Variants in GGNBP2 observed in about 807,000 individuals in gnomAD.
The protein encoded by GGNBP2 is gametogenetin-binding protein 2.
In GGNBP2, 10 loss-of-function variants were observed where a neutral mutation model predicts 85.9. The ratio of observed to expected loss-of-function variants is 0.12; its 90% CI spans 0.07 to 0.20. The LOEUF (loss-of-function observed/expected upper bound fraction) is 0.20. Ranked by LOEUF, GGNBP2 falls within the 10% of genes least tolerant of loss-of-function variation. The probability of loss-of-function intolerance (pLI) is 1.00; values close to 1 mark genes in which losing one functional copy is unlikely to be tolerated. For synonymous variants in GGNBP2, 287 were observed against 285.7 expected, an observed-to-expected ratio of 1.00 and a Z score of -0.05; for missense variants, 595 against 857.8, an observed-to-expected ratio of 0.69 and a Z score of 3.83.
chr17:36,581,198 T>C, intron 8 of GGNBP2, 146 bp from the exon 9 acceptor site: 1 of 518,924 alleles, frequency 1.9e-6, no homozygotes, highest in Non-Finnish European at 3.4e-6. Context: ...GGCAGGAGAA[T>C]GGCGTGAACC....
chr17:36,561,759 G>C (rs967956124), intron 5 of GGNBP2, among the ~76,000 whole-genome samples: 1 of 151,974 alleles, frequency 6.6e-6, no homozygotes, highest in Non-Finnish European at 1.5e-5. Flanking sequence ...GAGTAGTTGG[G>C]ACTACAGGTG....
intron 3 of GGNBP2, among the ~76,000 whole-genome samples, chr17:36,555,252 T>C (rs1379466460): frequency 6.6e-6 from 1 of 152,252 alleles, no homozygotes; most frequent in African/African-American, 2.4e-5. Context: ...TAATCCTATA[T>C]TATGAATTTT....
intron 13 of GGNBP2, chr17:36,587,523 T>G (rs148435091): frequency 2.7e-6 from 1 of 374,206 alleles, no homozygotes. Context: ...AAACCCATTA[T>G]AACTCAAAAA....
intron 2 of GGNBP2, among the ~76,000 whole-genome samples, chr17:36,549,624 T>C (rs2074289677): frequency 6.6e-6 from 1 of 151,948 alleles, no homozygotes. Flanking sequence ...CAGATACAGT[T>C]AATATATTCT....
intron 5 of GGNBP2, among the ~76,000 whole-genome samples, chr17:36,562,201 T>A (rs1414889544): frequency 2.0e-5 from 3 of 152,182 alleles, no homozygotes; most frequent in Admixed American, 2.0e-4. Flanking sequence ...ACAGTCTTGC[T>A]CTGTCACTCA....
At position 36,561,462 on chromosome 17, in the gene GGNBP2, G is replaced by A. The variant is rs188811215; in HGVS notation, c.527+591G>A. 7.2e-5 allele frequency among the ~76,000 whole-genome samples: 11 copies of A among 151,964 alleles called. No individual in the cohort carries two copies. In the East Asian group the frequency reaches 1.7e-3, roughly 24 times the overall value. Reference sequence around the variant, plus strand: ...GGAAATGTATGCAGCTAATATGAACGTTTTCAAAGTAGTGGTAATCATTAT... The same window carrying A: ...GGAAATGTATGCAGCTAATATGAACATTTTCAAAGTAGTGGTAATCATTAT... On this transcript the variant is annotated intron_variant, in intron 5 of 13. Transcript: ENST00000613102.
At chr17:36,546,726 C>G (rs763934194) in intron 2 of GGNBP2, 28 of 152,206 alleles carry the variant, frequency 1.8e-4, no homozygotes, top group Non-Finnish European at 8.8e-5. Context: ...TTTGATGATG[C>G]TGAAGCTTTG....
chr17:36,582,181 T>G (rs1477361460), intron 9 of GGNBP2: 1 of 152,202 alleles, frequency 6.6e-6, no homozygotes, highest in Non-Finnish European at 1.5e-5. Flanking sequence ...GCCTGGCCTC[T>G]TGTATTCTTA....
Position 36,589,391 on chromosome 17 carries a change from ACAACGGCTGGAG to A in GGNBP2, c.2078_2089del (p.Thr693_Ala696del). On this transcript the variant is annotated inframe_deletion, in exon 14 of 14. Coordinates refer to ENST00000613102, the MANE Select transcript of GGNBP2 (RefSeq NM_024835.5). ...GAGGCCCATTTGTAGTGGCTGGTTG[ACAACGGCTGGAG>A]CAAATTAAATAAATAAAATAGCTCT... is the stretch of plus-strand genomic sequence containing the variant. The A allele has an allele frequency of 6.2e-7, 1 of 1,613,474 alleles. No homozygotes were observed. Among genetic ancestry groups the A allele is most frequent in the Non-Finnish European group, 8.5e-7 (1 of 1,179,482 alleles).
chr17:36,584,343 C>CT (rs879663371), intron 9 of GGNBP2, among the ~76,000 whole-genome samples: 68 of 147,828 alleles, frequency 4.6e-4, no homozygotes, highest in East Asian at 1.8e-3. Flanking sequence ...TTGTCACATA[C>CT]TTTTTTTTTT....
intron 6 of GGNBP2, among the ~76,000 whole-genome samples, chr17:36,576,016 A>T (rs186903822): frequency 6.6e-6 from 1 of 150,410 alleles, no homozygotes; most frequent in East Asian, 2.0e-4. Context: ...TGAAACAAAG[A>T]TATGGCAGTA....
At chr17:36,545,323 C>T (rs1439595229) in intron 1 of GGNBP2, among the ~76,000 whole-genome samples, 1 of 147,874 alleles carries the variant, frequency 6.8e-6, no homozygotes, top group Non-Finnish European at 1.5e-5. Flanking sequence ...GGTCCTGGGG[C>T]CGGGACTCCT....
At chr17:36,559,328 G>A (rs539880621) in intron 4 of GGNBP2, among the ~76,000 whole-genome samples, 1 of 150,494 alleles carries the variant, frequency 6.6e-6, no homozygotes, top group Non-Finnish European at 1.5e-5. Context: ...AAAAGAATGG[G>A]CAAATGGTTA....
intron 6 of GGNBP2, chr17:36,577,119 C>T (rs530668728): frequency 6.6e-6 from 1 of 152,314 alleles, no homozygotes; most frequent in East Asian, 1.9e-4. Flanking sequence ...CCTTGTTTCA[C>T]TTAACTAATC....
intron 8 of GGNBP2, among the ~76,000 whole-genome samples, chr17:36,580,574 T>C (rs192040168): frequency 4.6e-4 from 70 of 152,242 alleles, no homozygotes; most frequent in African/African-American, 1.1e-3. Flanking sequence ...TCAGGTTAAA[T>C]AGTTTTTTCA....
intron 2 of GGNBP2, among the ~76,000 whole-genome samples, chr17:36,548,699 T>C (rs1413498004): frequency 7.0e-6 from 1 of 143,814 alleles, no homozygotes; most frequent in Non-Finnish European, 1.5e-5. Flanking sequence ...ATCCTAGCAC[T>C]TTGGGAGGCC....
Position 36,585,396 on chromosome 17 carries a change from T to C in GGNBP2, c.1312T>C (p.Ser438Pro), listed in dbSNP as rs1194926306. 6.2e-7 allele frequency: 1 copy of C among 1,612,372 alleles called. No individual in the cohort carries two copies. Among genetic ancestry groups the C allele is most frequent in the South Asian group, 1.1e-5 (1 of 90,960 alleles). The change falls in exon 10 of 14, where the codon TCA becomes CCA. Residue 438 changes from serine (S) to proline (P), a missense_variant. Ser to Pro is a moderately conservative substitution (Grantham distance 74, BLOSUM62 -1). This residue lies in a region of GGNBP2 where 85 missense variants were observed against 92.6 expected (regional missense o/e 0.92). Coordinates refer to ENST00000613102, the MANE Select transcript of GGNBP2 (RefSeq NM_024835.5). ...VEVIVTNENT[S>P]CTCPSSGNLL... ...AGTAATTGTTACCAATGAAAATACA[T>C]CATGTACCTGTCCTAGCAGTGGCAA... is the stretch of plus-strand genomic sequence containing the variant.
intron 5 of GGNBP2, among the ~76,000 whole-genome samples, chr17:36,563,675 G>T (rs145150597): frequency 6.7e-6 from 1 of 149,038 alleles, no homozygotes; most frequent in African/African-American, 2.5e-5. Context: ...CTGAAGAAAA[G>T]AAGTTTTCTT....
intron 6 of GGNBP2, chr17:36,577,290 A>G (rs1222137412): frequency 6.6e-6 from 1 of 152,156 alleles, no homozygotes; most frequent in Non-Finnish European, 1.5e-5. Context: ...TACATTCACA[A>G]ACTCTTCTAT....
Sources: allele counts gnomAD v4.1 joint callset (sites outside exome capture counted in the v4.1 genomes callset), GRCh38; gene constraint gnomAD v4.1.1; regional missense constraint gnomAD v4.1.1; transcripts MANE v1.5; gene names NCBI Gene and HGNC (gene_info 2026-07-23, HGNC 2026-07-21).